Variants in ERCC2 observed in about 807,000 individuals in gnomAD.
The protein encoded by ERCC2 is general transcription and DNA repair factor IIH helicase subunit XPD.
ERCC2 carries 90 observed loss-of-function variants against 99.4 expected under a neutral mutation model. The observed-to-expected ratio is 0.91, with a 90% CI of 0.76 to 1.08. ERCC2 has a LOEUF of 1.08. ERCC2 is among the 50% of genes least tolerant of loss of function. The pLI is 0.00. For missense variants in ERCC2, 993 were observed against 1,038.1 expected (o/e 0.96, Z 0.60); for synonymous variants, 497 against 432.4 (o/e 1.15, Z -1.85).
In ERCC2 at chr19:45,350,763, G is replaced by A; in HGVS notation, c.*866C>T. The A allele has an allele frequency of 1.2e-6, 2 of 1,600,238 alleles. No individual in the cohort carries two copies. Among genetic ancestry groups the A allele is most frequent in the Non-Finnish European group, 1.7e-6 (2 of 1,173,280 alleles). On this transcript the variant is annotated 3_prime_UTR_variant, in exon 23 of 23. Transcript: ENST00000391945. ...GAGCAGCCGGGTGAGTGTTGATCAGGTCGGCAAAGAGCCCTGACATCAGCA... is the reference window on the plus strand; with the variant it reads ...GAGCAGCCGGGTGAGTGTTGATCAGATCGGCAAAGAGCCCTGACATCAGCA...
chr19:45,350,385 G>A lies in ERCC2; in HGVS notation c.*1244C>T, dbSNP rs771037042. ...AGAACAAGTATCAACAAGCGGAAGAGCTGTACAAAGAAATCCTCCACAAGG... is the reference window on the plus strand; with the variant it reads ...AGAACAAGTATCAACAAGCGGAAGAACTGTACAAAGAAATCCTCCACAAGG... On this transcript the variant is annotated 3_prime_UTR_variant, in exon 23 of 23. Coordinates refer to ENST00000391945, the MANE Select transcript of ERCC2 (RefSeq NM_000400.4). The A allele has an allele frequency of 5.0e-6, 8 of 1,613,688 alleles. No individual in the cohort carries two copies. The African/African-American group carries it at 9.4e-5, about 19-fold the overall frequency.
chr19:45,369,220 C>T (rs1972527004), intron 2 of ERCC2, 73 bp from the exon 3 acceptor site: 2 of 1,246,488 alleles, frequency 1.6e-6, no homozygotes, highest in Non-Finnish European at 2.4e-6. Flanking sequence ...GGGGACTCTC[C>T]CCGACCCCCA....
rs370862494 is a variant in ERCC2, at chr19:45,357,466, G to C, written c.1377+8C>G. 1 of 1,613,938 alleles carries C rather than the reference G, an allele frequency of 6.2e-7. No homozygotes were observed. Among genetic ancestry groups the C allele is most frequent in the South Asian group, 1.1e-5 (1 of 91,078 alleles). On this transcript the variant is annotated splice_region_variant and intron_variant, in intron 14 of 22. Coordinates refer to ENST00000391945, the MANE Select transcript of ERCC2 (RefSeq NM_000400.4). ...AGGGACTAGGAGGGGACGGGGAAGG[G>C]TCCTTACCCCAGATGTGATGATGAC... is the stretch of plus-strand genomic sequence containing the variant.
chr19:45,368,943 G>A lies in ERCC2; in HGVS notation c.233C>T (p.Pro78Leu). The A allele has an allele frequency of 6.2e-7, 1 of 1,614,206 alleles. No homozygotes were observed. The highest frequency in any genetic ancestry group is 1.6e-4 in the Middle Eastern group (1 of 6,062). ...TKLIYCSRTV[P>L]EIEKVIEELR... The stretch of plus-strand genomic sequence containing the variant: ...GTCCCAGCTTACCTTCTCAATCTCT[G>A]GCACAGTTCTTGAGCAGTAGATGAG... The change falls in exon 4 of 23, where the codon CCA (proline) becomes CTA (leucine). Residue 78 changes from proline (P) to leucine (L), a missense_variant. Pro to Leu is a moderately conservative substitution (Grantham distance 98, BLOSUM62 -3). Around this residue, in one of 3 missense-constraint regions of ERCC2, gnomAD observed 29 missense variants for 62.1 expected, o/e 0.47. Coordinates refer to ENST00000391945, the MANE Select transcript of ERCC2 (RefSeq NM_000400.4).
chr19:45,358,431 C>G (rs963122048), intron 12 of ERCC2: 1 of 235,064 alleles, frequency 4.3e-6, no homozygotes, highest in Non-Finnish European at 8.5e-6. Context: ...CCACCATCAC[C>G]TCCTGCCTGG....
rs142568756 is a variant in ERCC2 at position 45,354,789 on chromosome 19, C to T, written c.1606G>A (p.Val536Met). The stretch of plus-strand genomic sequence containing the variant: ...TACTGGTAGCTGGTGAAGAAGGCCA[C>T]GATGCCATCAGGGACCACAGCGGAC... ...EMSAVVPDGIVAFFTSYQYME... is the reference protein window; with the variant it reads ...EMSAVVPDGIMAFFTSYQYME... The change falls in exon 17 of 23, where the codon GTG becomes ATG. Residue 536 changes from valine to methionine, a missense_variant. Coordinates refer to ENST00000391945, the MANE Select transcript of ERCC2 (RefSeq NM_000400.4). The T allele has an allele frequency of 4.3e-4, 690 of 1,613,940 alleles. No individual in the cohort carries two copies. The highest frequency in any genetic ancestry group is 5.3e-4 in the Non-Finnish European group (625 of 1,179,948).
chr19:45,367,354 AATAT>A (rs143488097), intron 5 of ERCC2, among the ~76,000 whole-genome samples: 4,671 of 142,000 alleles, frequency 0.033, 219 homozygotes, highest in African/African-American at 0.11. Flanking sequence ...ACAAAACAAA[AATAT>A]ATATATATAT....
intron 11 of ERCC2, 121 bp from the exon 12 acceptor site, chr19:45,361,763 G>A (rs1164136875): frequency 9.0e-6 from 7 of 773,844 alleles, no homozygotes; most frequent in Non-Finnish European, 1.6e-5. Context: ...ACTCAGTGAG[G>A]GTGGGCACTG....
At position 45,354,991 on chromosome 19, in the gene ERCC2, C is replaced by T. The variant is rs908408086; in HGVS notation, c.1544-140G>A. On this transcript the variant is annotated intron_variant, in intron 16 of 22. Transcript: ENST00000391945. ...ATATCCCCCTCCTCCTCCTCCCGGGCGTGTCTGAGGACCCGCCTTGCCACT... is the reference window on the plus strand; with the variant it reads ...ATATCCCCCTCCTCCTCCTCCCGGGTGTGTCTGAGGACCCGCCTTGCCACT... 7.4e-5 allele frequency: 81 copies of T among 1,094,844 alleles called. 1 individual carries two copies. The highest frequency in any genetic ancestry group is 9.7e-5 in the Non-Finnish European group (71 of 731,104). 67.8% of individuals were successfully genotyped at this position (1,094,844 alleles called of 1,614,324 possible).
Position 45,350,380 on chromosome 19 carries a change from G to C in ERCC2, c.*1249C>G, listed in dbSNP as rs777946831. On this transcript the variant is annotated 3_prime_UTR_variant, in exon 23 of 23. Coordinates refer to ENST00000391945, the MANE Select transcript of ERCC2 (RefSeq NM_000400.4). ...GAAACAGAACAAGTATCAACAAGCGGAAGAGCTGTACAAAGAAATCCTCCA... is the reference window on the plus strand; with the variant it reads ...GAAACAGAACAAGTATCAACAAGCGCAAGAGCTGTACAAAGAAATCCTCCA... 2.5e-6 allele frequency: 4 copies of C among 1,613,450 alleles called. No individual in the cohort carries two copies. Among genetic ancestry groups the C allele is most frequent in the Admixed American group, 1.7e-5 (1 of 59,962 alleles).
intron 12 of ERCC2, among the ~76,000 whole-genome samples, chr19:45,359,995 G>T (rs375274914): frequency 6.6e-6 from 1 of 151,530 alleles, no homozygotes; most frequent in African/African-American, 2.4e-5. Context: ...GGCTGGTCTC[G>T]AACTCCTGAC....
chr19:45,352,326 C>G lies in ERCC2; in HGVS notation c.2073G>C (p.Gly691=). Residue 691 remains glycine (G), a synonymous_variant, in exon 22 of 23, where the codon GGG becomes GGC. Coordinates refer to ENST00000391945, the MANE Select transcript of ERCC2 (RefSeq NM_000400.4). ...GCTCCTGGATCCAGCGGGGCAGCTTCCCCCGCTTGTCCCCACGGGCAAACC... is the reference window on the plus strand; with the variant it reads ...GCTCCTGGATCCAGCGGGGCAGCTTGCCCCGCTTGTCCCCACGGGCAAACC... ...DKRFARGDKR[G]KLPRWIQEHL... 1 of 1,613,996 alleles carries G rather than the reference C, an allele frequency of 6.2e-7. No individual in the cohort carries two copies. Among genetic ancestry groups the G allele is most frequent in the Non-Finnish European group, 8.5e-7 (1 of 1,179,990 alleles).
Position 45,351,733 on chromosome 19 carries a change from A to C in ERCC2, c.2191-12T>G. 6.2e-7 allele frequency: 1 copy of C among 1,613,380 alleles called. No individual in the cohort carries two copies. Among genetic ancestry groups the C allele is most frequent in the Non-Finnish European group, 8.5e-7 (1 of 1,179,702 alleles). On this transcript the variant is annotated splice_polypyrimidine_tract_variant and intron_variant, in intron 22 of 22. Coordinates refer to ENST00000391945, the MANE Select transcript of ERCC2 (RefSeq NM_000400.4). The stretch of plus-strand genomic sequence containing the variant: ...CCCAGCTGATCCTCCTGCAGAGAAC[A>C]GAGGAAAGGGAGAGGGGGGCACTGT...
Position 45,365,238 on chromosome 19 carries a change from G to A in ERCC2, c.361-80C>T, listed in dbSNP as rs1279290932. 4.7e-6 allele frequency: 5 copies of A among 1,074,176 alleles called. No homozygotes were observed. In the South Asian group the frequency reaches 5.1e-5, roughly 11 times the overall value. The allele number at this position is 1,074,176 out of a possible 1,614,324, so 66.5% of individuals were successfully genotyped here. ...CAAACCCTGGTCTCCACACCTCCCAGCTGGCTGGGGTTTTGGACAACTTGA... is the reference window on the plus strand; with the variant it reads ...CAAACCCTGGTCTCCACACCTCCCAACTGGCTGGGGTTTTGGACAACTTGA... On this transcript the variant is annotated intron_variant, in intron 5 of 22. Coordinates refer to ENST00000391945, the MANE Select transcript of ERCC2 (RefSeq NM_000400.4).
At chr19:45,351,925 GGACCGGCTTTCTCCA>G (rs765811039) in intron 22 of ERCC2, among the ~76,000 whole-genome samples, 3 of 152,210 alleles carry the variant, frequency 2.0e-5, no homozygotes, top group Non-Finnish European at 4.4e-5. Context: ...AGTCGGAGAA[GGACCGGCTTTCTCCA>G]GGCCAGCACC....
chr19:45,370,431 C>T, intron 1 of ERCC2, 105 bp downstream of exon 1: 2 of 984,680 alleles, frequency 2.0e-6, no homozygotes, highest in Admixed American at 2.5e-5. Context: ...CCCACCCCTT[C>T]ACCCTCCCCT....
intron 14 of ERCC2, 36 bp downstream of exon 14, chr19:45,357,438 G>T (rs773602785): frequency 1.2e-6 from 2 of 1,611,842 alleles, no homozygotes; most frequent in Admixed American, 1.7e-5. Flanking sequence ...ATGGAGGGAG[G>T]TCAGGGACTA....
chr19:45,350,837 C>T lies in ERCC2; in HGVS notation c.*792G>A. On this transcript the variant is annotated 3_prime_UTR_variant, in exon 23 of 23. Transcript: ENST00000391945. ...CACCCCCATCTTGCTCAAGAACCTT[C>T]CATGGCTCCCATCTCCCCTGTGATA... 1.1e-6 allele frequency: 1 copy of T among 943,844 alleles called. No individual in the cohort carries two copies. Among genetic ancestry groups the T allele is most frequent in the Non-Finnish European group, 1.6e-6 (1 of 640,010 alleles). 58.5% of individuals were successfully genotyped at this position (943,844 alleles called of 1,614,324 possible). A position where few individuals can be genotyped will look rare whatever the true frequency, so the allele number is the denominator to read the frequency against.
intron 15 of ERCC2, 66 bp downstream of exon 15, chr19:45,357,204 A>T: frequency 8.3e-7 from 1 of 1,200,370 alleles, no homozygotes; most frequent in Non-Finnish European, 1.2e-6. Flanking sequence ...GGGGAAGCCA[A>T]GGAAGGAGGG....
Sources: gnomAD v4.1 joint callset for allele counts (sites outside exome capture counted in the v4.1 genomes callset) on GRCh38, gnomAD v4.1.1 for gene constraint, gnomAD v4.1.1 regional missense constraint, MANE v1.5 for transcripts, NCBI Gene and HGNC (gene_info 2026-07-23, HGNC 2026-07-21) for gene names.